RPTOR: variants seen among roughly 807,000 people sequenced by gnomAD.
RPTOR encodes regulatory-associated protein of mTOR.
A neutral mutation model predicts 169.9 loss-of-function variants in RPTOR; 21 were observed. The ratio of observed to expected loss-of-function variants is 0.12; its 90% CI spans 0.09 to 0.18. The LOEUF (loss-of-function observed/expected upper bound fraction) is 0.18. RPTOR is among the 10% of genes least tolerant of loss of function. The pLI, the probability that RPTOR is intolerant of heterozygous loss-of-function variation, is 1.00. For missense variants in RPTOR, 1,133 were observed against 1,855.9 expected, an observed-to-expected ratio of 0.61 and a Z score of 7.16; for synonymous variants, 732 against 753.2, an observed-to-expected ratio of 0.97 and a Z score of 0.46.
In RPTOR at chr17:80,754,267, TTC is replaced by T. The variant is rs999938153; in HGVS notation, c.830+83_830+84del. On this transcript the variant is annotated intron_variant, in intron 6 of 33. Coordinates refer to ENST00000306801, the MANE Select transcript of RPTOR (RefSeq NM_020761.3). The surrounding 1 kb of genome is among the most constrained non-coding windows in gnomAD (Gnocchi z 4.2). ...CCCCAACCCATGTGGGCCCCAGGCATTCACCTGGTCCCAGGAGCCCACGTGAC... is the reference window on the plus strand; with the variant it reads ...CCCCAACCCATGTGGGCCCCAGGCATACCTGGTCCCAGGAGCCCACGTGAC... 243 of 1,393,376 alleles carry T rather than the reference TTC, an allele frequency of 1.7e-4. No individual in the cohort carries two copies. The African/African-American group carries it at 3.2e-3, about 18-fold the overall frequency. 86.3% of individuals were successfully genotyped at this position (1,393,376 alleles called of 1,614,324 possible). A position where few individuals can be genotyped will look rare whatever the true frequency, so the allele number is the denominator to read the frequency against.
At chr17:80,874,579 G>A (rs1011576422) in intron 13 of RPTOR, among the ~76,000 whole-genome samples, 2 of 152,164 alleles carry the variant, frequency 1.3e-5, no homozygotes, top group African/African-American at 2.4e-5. Context: ...GGGGGTGAAG[G>A]TCTGAGGCGG....
At chr17:80,782,903 C>G (rs765312846) in intron 6 of RPTOR, among the ~76,000 whole-genome samples, 1 of 152,144 alleles carries the variant, frequency 6.6e-6, no homozygotes, top group Non-Finnish European at 1.5e-5. Context: ...CCAAGGAGCA[C>G]GGAGAATCTG....
At chr17:80,556,113 G>T (rs978201484) in intron 1 of RPTOR, among the ~76,000 whole-genome samples, 10 of 148,400 alleles carry the variant, frequency 6.7e-5, no homozygotes, top group Non-Finnish European at 1.2e-4. Flanking sequence ...TGATTGTAAG[G>T]GCAGTGGCCT....
chr17:80,553,907 A>G (rs1300919790), intron 1 of RPTOR, among the ~76,000 whole-genome samples: 2 of 151,308 alleles, frequency 1.3e-5, no homozygotes, highest in Middle Eastern at 3.4e-3. Context: ...ACGCCTGGCT[A>G]ATTTTCATAT....
At position 80,864,490 on chromosome 17, in the gene RPTOR, CAG is replaced by C. The variant is rs1001273359; in HGVS notation, c.1509+6600_1509+6601del. ...AGACAGCGGAACAGCATCTTTAAAGCAGAGAGAGAGACAGAGAAAGAGAAAAA... is the reference window on the plus strand; with the variant it reads ...AGACAGCGGAACAGCATCTTTAAAGCAGAGAGAGACAGAGAAAGAGAAAAA... On this transcript the variant is annotated intron_variant, in intron 13 of 33. Coordinates refer to ENST00000306801, the MANE Select transcript of RPTOR (RefSeq NM_020761.3). Among the ~76,000 whole-genome samples the C allele has an allele frequency of 2.2e-4, 33 of 152,018 alleles. 1 individual carries two copies. The highest frequency in any genetic ancestry group is 1.9e-4 in the East Asian group (1 of 5,198).
At chr17:80,795,656 A>T (rs1286520851) in intron 7 of RPTOR, among the ~76,000 whole-genome samples, 3 of 151,868 alleles carry the variant, frequency 2.0e-5, no homozygotes, top group Non-Finnish European at 4.4e-5. Flanking sequence ...TACGAGGAGG[A>T]GAGTGTGGTG....
intron 3 of RPTOR, among the ~76,000 whole-genome samples, chr17:80,665,455 T>TG (rs2065765131): frequency 7.2e-5 from 2 of 27,670 alleles, no homozygotes; most frequent in Non-Finnish European, 1.2e-4. Flanking sequence ...TTCCTTTCCT[T>TG]TCCTTTCCTT....
intron 3 of RPTOR, among the ~76,000 whole-genome samples, chr17:80,698,464 C>T (rs951602666): frequency 2.0e-5 from 3 of 152,204 alleles, no homozygotes; most frequent in Non-Finnish European, 4.4e-5. Flanking sequence ...ATGGCCTGCT[C>T]CCCGGGGGCC....
chr17:80,825,165 G>A (rs2067426387), intron 9 of RPTOR, among the ~76,000 whole-genome samples: 1 of 149,368 alleles, frequency 6.7e-6, no homozygotes. Context: ...GTATGGGGCA[G>A]CCACATCCCA....
intron 1 of RPTOR, among the ~76,000 whole-genome samples, chr17:80,587,162 C>T (rs1053797563): frequency 6.6e-6 from 1 of 152,264 alleles, no homozygotes; most frequent in African/African-American, 2.4e-5. Flanking sequence ...TGGCCTCCCC[C>T]GCAGTTCCCC....
In RPTOR at chr17:80,579,283, TC is replaced by T. The variant is rs372588534; in HGVS notation, c.162+33495del. Reference sequence around the variant, plus strand: ...ATCTCGGCTCACCGCAACCTCCGCCTCCCGGGTTCAAGCGATTCTTCTGCCT... The same window carrying T: ...ATCTCGGCTCACCGCAACCTCCGCCTCCGGGTTCAAGCGATTCTTCTGCCT... On this transcript the variant is annotated intron_variant, in intron 1 of 33. Transcript: ENST00000306801. 8.6e-3 allele frequency among the ~76,000 whole-genome samples: 1,303 copies of T among 152,244 alleles called. 23 individuals carry two copies. The highest frequency in any genetic ancestry group is 0.029 in the African/African-American group (1,207 of 41,536).
At chr17:80,880,258 C>T (rs150695356) in intron 13 of RPTOR, among the ~76,000 whole-genome samples, 157 bp from the exon 14 acceptor site, 47 of 152,268 alleles carry the variant, frequency 3.1e-4, no homozygotes, top group African/African-American at 7.0e-4. Context: ...CTGCAGGCAC[C>T]GGCTGCAGCT....
intron 1 of RPTOR, among the ~76,000 whole-genome samples, chr17:80,614,624 T>A (rs1296816297): frequency 6.6e-6 from 1 of 152,180 alleles, no homozygotes; most frequent in Non-Finnish European, 1.5e-5. Context: ...AAAGAAAAAA[T>A]ATTTCGGGCA....
chr17:80,564,705 T>A (rs1568306611), intron 1 of RPTOR, among the ~76,000 whole-genome samples: 1 of 151,996 alleles, frequency 6.6e-6, no homozygotes, highest in Non-Finnish European at 1.5e-5. Flanking sequence ...GTATCAAGCC[T>A]AGTACCCAAT....
Position 80,957,869 on chromosome 17 carries a change from C to G in RPTOR, c.3477+139C>G. The G allele has an allele frequency of 1.4e-6, 1 of 740,040 alleles. No individual in the cohort carries two copies. Among genetic ancestry groups the G allele is most frequent in the Non-Finnish European group, 2.3e-6 (1 of 437,846 alleles). 45.8% of individuals were successfully genotyped at this position (740,040 alleles called of 1,614,324 possible). A position where few individuals can be genotyped will look rare whatever the true frequency, so the allele number is the denominator to read the frequency against. On this transcript the variant is annotated intron_variant, in intron 29 of 33. Coordinates refer to ENST00000306801, the MANE Select transcript of RPTOR (RefSeq NM_020761.3). The surrounding 1 kb of genome is among the most constrained non-coding windows in gnomAD (Gnocchi z 4.6). ...GAGTCAGGGCCTGGGAGGACAGTGCCGGGACAATGCTGGGAGGAGACGTGG... is the reference window on the plus strand; with the variant it reads ...GAGTCAGGGCCTGGGAGGACAGTGCGGGGACAATGCTGGGAGGAGACGTGG...
chr17:80,946,413 A>G (rs1233642104), intron 26 of RPTOR, among the ~76,000 whole-genome samples: 1 of 152,194 alleles, frequency 6.6e-6, no homozygotes. Flanking sequence ...TTATGCAACC[A>G]TCACCCCCAT....
chr17:80,944,592 C>G (rs1445218806), intron 25 of RPTOR, among the ~76,000 whole-genome samples: 1 of 152,208 alleles, frequency 6.6e-6, no homozygotes, highest in Admixed American at 6.5e-5. Flanking sequence ...TGGTCAGGCC[C>G]CTCCCTTCAG....
intron 1 of RPTOR, among the ~76,000 whole-genome samples, chr17:80,561,826 CTG>C (rs1026455851): frequency 3.6e-4 from 54 of 151,896 alleles, no homozygotes; most frequent in African/African-American, 1.2e-3. Context: ...TTGTGTGTGA[CTG>C]TGTGAATATG....
intron 5 of RPTOR, among the ~76,000 whole-genome samples, chr17:80,739,065 A>T (rs544969811): frequency 1.1e-5 from 1 of 89,554 alleles, no homozygotes; most frequent in Non-Finnish European, 2.5e-5. Flanking sequence ...GATGGCCAGC[A>T]CCATGGGTTG....
Sources: allele counts gnomAD v4.1 joint callset (sites outside exome capture counted in the v4.1 genomes callset), GRCh38; gene constraint gnomAD v4.1.1; non-coding constraint Gnocchi (gnomAD v3.1); transcripts MANE v1.5; gene names NCBI Gene and HGNC (gene_info 2026-07-23, HGNC 2026-07-21).